IL16: variants seen among roughly 807,000 people sequenced by gnomAD.
The protein encoded by IL16 is interleukin 16, also known as pro-interleukin-16.
IL16 carries 67 observed loss-of-function variants against 110.1 expected under a neutral mutation model. That is an observed-to-expected ratio of 0.61 (90% CI 0.50 to 0.75). The LOEUF (loss-of-function observed/expected upper bound fraction) is 0.75, where lower values mean the gene tolerates loss of function less well. Ranked by LOEUF, IL16 falls within the 30% of genes least tolerant of loss-of-function variation. The pLI, the probability that IL16 is intolerant of heterozygous loss-of-function variation, is 0.00. For synonymous variants in IL16, 689 were observed against 662.9 expected (o/e 1.04, Z -0.61); for missense variants, 1,545 against 1,655.0 (o/e 0.93, Z 1.15).
At chr15:81,295,182 A>C (rs1280308246) in intron 12 of IL16, 4 of 175,834 alleles carry the variant, frequency 2.3e-5, no homozygotes. Flanking sequence ...AACAAACAAA[A>C]AAACCAAACA....
At chr15:81,201,155 C>G (rs557107175) in intron 1 of IL16, among the ~76,000 whole-genome samples, 2 of 150,512 alleles carry the variant, frequency 1.3e-5, no homozygotes, top group African/African-American at 2.4e-5. Flanking sequence ...GTGTGTGTCT[C>G]TGTGTGTGTG....
At position 81,279,281 on chromosome 15, in the gene IL16, A is replaced by G. The variant is rs193285733; in HGVS notation, c.865-277A>G. On this transcript the variant is annotated intron_variant, in intron 7 of 18. Coordinates refer to ENST00000683961, the MANE Select transcript of IL16 (RefSeq NM_172217.5). ...TCAATCTATCTATCTATCTCTATCTATTCATCCATCTATCTATCCATCCAT... is the reference window on the plus strand; with the variant it reads ...TCAATCTATCTATCTATCTCTATCTGTTCATCCATCTATCTATCCATCCAT... Among the ~76,000 whole-genome samples the G allele has an allele frequency of 1.2e-3, 178 of 151,922 alleles. 1 individual carries two copies. Among genetic ancestry groups the G allele is most frequent in the African/African-American group, 4.1e-3 (169 of 41,288 alleles).
In IL16 at chr15:81,309,024, C is replaced by G. The variant is rs1241245106; in HGVS notation, c.*226C>G. 2.1e-6 allele frequency: 1 copy of G among 470,498 alleles called. No individual in the cohort carries two copies. The highest frequency in any genetic ancestry group is 3.8e-6 in the Non-Finnish European group (1 of 266,630). The allele number at this position is 470,498 out of a possible 1,614,324, so 29.1% of individuals were successfully genotyped here. On this transcript the variant is annotated 3_prime_UTR_variant, in exon 19 of 19. Coordinates refer to ENST00000683961, the MANE Select transcript of IL16 (RefSeq NM_172217.5). Reference sequence around the variant, plus strand: ...GGGGGCAGCTGATACAAATTGCAGACTGTGTAAAAAGAGAGCTTAATGATA... The same window carrying G: ...GGGGGCAGCTGATACAAATTGCAGAGTGTGTAAAAAGAGAGCTTAATGATA...
chr15:81,267,483 C>CAG (rs1898437502), intron 4 of IL16, among the ~76,000 whole-genome samples: 1 of 138,654 alleles, frequency 7.2e-6, no homozygotes, highest in Non-Finnish European at 1.5e-5. Flanking sequence ...TACACAGACA[C>CAG]ACACACACAC....
At chr15:81,266,531 C>A (rs768493664) in intron 4 of IL16, among the ~76,000 whole-genome samples, 1 of 152,204 alleles carries the variant, frequency 6.6e-6, no homozygotes, top group Non-Finnish European at 1.5e-5. Flanking sequence ...ACCCTACACA[C>A]GTCCCACCAG....
intron 2 of IL16, among the ~76,000 whole-genome samples, chr15:81,232,110 C>T (rs1172840000): frequency 2.7e-5 from 1 of 37,092 alleles, no homozygotes; most frequent in Admixed American, 3.8e-4. Flanking sequence ...CTTGGTTTTT[C>T]CGTTGGAATT....
intron 1 of IL16, among the ~76,000 whole-genome samples, chr15:81,200,537 T>TG (rs900279220): frequency 2.1e-5 from 3 of 140,498 alleles, no homozygotes; most frequent in African/African-American, 9.6e-5. Flanking sequence ...ACCTGGATAA[T>TG]TTTTTGTATT....
At chr15:81,189,119 AATTT>A (rs148170162) in intron 1 of IL16, among the ~76,000 whole-genome samples, 8,049 of 138,842 alleles carry the variant, frequency 0.058, 694 homozygotes, top group African/African-American at 0.21. Flanking sequence ...ATGCCAAGAT[AATTT>A]TTTTTTTTTT....
intron 2 of IL16, among the ~76,000 whole-genome samples, chr15:81,232,031 C>A (rs942487837): frequency 1.4e-5 from 1 of 70,814 alleles, no homozygotes; most frequent in Non-Finnish European, 3.8e-5. Flanking sequence ...AAGTCCTCCA[C>A]ATTTGTTCTT....
Position 81,313,337 on chromosome 15 carries a change from G to C in IL16, c.*4539G>C, listed in dbSNP as rs775687704. 6.3e-7 allele frequency: 1 copy of C among 1,579,166 alleles called. No individual in the cohort carries two copies. Among genetic ancestry groups the C allele is most frequent in the South Asian group, 1.2e-5 (1 of 84,590 alleles). ...TGCGGGGGAAGAAGGAGTCCACCAC[G>C]TTCTGTGGGAGGTAACCGCTGAGGT... On this transcript the variant is annotated 3_prime_UTR_variant, in exon 19 of 19. Coordinates refer to ENST00000683961, the MANE Select transcript of IL16 (RefSeq NM_172217.5).
chr15:81,267,248 A>G (rs1898422364), intron 4 of IL16, among the ~76,000 whole-genome samples: 1 of 152,180 alleles, frequency 6.6e-6, no homozygotes, highest in Admixed American at 6.5e-5. Context: ...ATCAGCCAGT[A>G]GTAGCTGCCT....
At chr15:81,216,789 G>A (rs1241636295) in intron 1 of IL16, among the ~76,000 whole-genome samples, 1 of 152,060 alleles carries the variant, frequency 6.6e-6, no homozygotes, top group Non-Finnish European at 1.5e-5. Flanking sequence ...ACTGTGCCTG[G>A]CACCCCAAGC....
chr15:81,301,534 C>G, intron 15 of IL16, 22 bp downstream of exon 15: 1 of 1,603,830 alleles, frequency 6.2e-7, no homozygotes, highest in Non-Finnish European at 8.5e-7. Context: ...TTGTAAGCAT[C>G]TGCAGTAACC....
chr15:81,186,349 C>T (rs1036238194), intron 1 of IL16, among the ~76,000 whole-genome samples: 1 of 152,186 alleles, frequency 6.6e-6, no homozygotes, highest in African/African-American at 2.4e-5. Context: ...GGGAGTTTAA[C>T]CAGGTGGTGA....
chr15:81,263,869 CAG>C (rs1898260692), intron 3 of IL16, among the ~76,000 whole-genome samples: 1 of 152,190 alleles, frequency 6.6e-6, no homozygotes, highest in Non-Finnish European at 1.5e-5. Context: ...GGTCATGCCT[CAG>C]ACTGTTTCTT....
intron 2 of IL16, among the ~76,000 whole-genome samples, chr15:81,227,755 G>C (rs1381328694): frequency 6.6e-6 from 1 of 151,376 alleles, no homozygotes; most frequent in Non-Finnish European, 1.5e-5. Context: ...CAGTGAGGGG[G>C]ACTGCAGCAA....
At chr15:81,216,120 G>A (rs1039867951) in intron 1 of IL16, among the ~76,000 whole-genome samples, 6 of 152,174 alleles carry the variant, frequency 3.9e-5, no homozygotes, top group Admixed American at 6.5e-5. Flanking sequence ...TGGGGCCAGC[G>A]CCTCCCAGAG....
chr15:81,198,795 G>A (rs9708109), intron 1 of IL16, among the ~76,000 whole-genome samples: 35,296 of 133,830 alleles, frequency 0.26, 3,262 homozygotes, highest in East Asian at 0.48. Context: ...CGAGGCGGGC[G>A]GATCACTTGA....
chr15:81,208,454 G>C (rs1434288780), intron 1 of IL16, among the ~76,000 whole-genome samples: 1 of 152,184 alleles, frequency 6.6e-6, no homozygotes, highest in Non-Finnish European at 1.5e-5. Flanking sequence ...AGCCTCCAGA[G>C]TAGCTGGGAT....
Sources: allele counts gnomAD v4.1 joint callset (sites outside exome capture counted in the v4.1 genomes callset), GRCh38; gene constraint gnomAD v4.1.1; transcripts MANE v1.5; gene names NCBI Gene and HGNC (gene_info 2026-07-23, HGNC 2026-07-21).